The following PRKX variants were observed in gnomAD, a reference collection of about 807,000 sequenced individuals.
PRKX encodes protein kinase cAMP-dependent X-linked catalytic subunit.
In PRKX, 12 loss-of-function variants were observed where a neutral mutation model predicts 22.0. The ratio of observed to expected loss-of-function variants is 0.54; its 90% CI spans 0.35 to 0.88. The LOEUF (loss-of-function observed/expected upper bound fraction) is 0.88. Among genes scored for constraint, PRKX ranks in the 40% least tolerant of loss-of-function variants. The pLI, the probability that PRKX is intolerant of heterozygous loss-of-function variation, is 0.01. For missense variants in PRKX, 217 were observed against 308.0 expected (o/e 0.70, Z 2.21); for synonymous variants, 134 against 137.7 (o/e 0.97, Z 0.19).
At chrX:3,706,196 T>C (rs1178480040) in intron 1 of PRKX, among the ~76,000 whole-genome samples, 1 of 110,402 alleles carries the variant, frequency 9.1e-6, no homozygotes, top group Non-Finnish European at 1.9e-5. Flanking sequence ...ATACTTTCTT[T>C]ATTTTTGACA....
intron 4 of PRKX, among the ~76,000 whole-genome samples, chrX:3,633,871 A>C (rs1303883668): frequency 8.9e-6 from 1 of 111,751 alleles, no homozygotes; most frequent in Non-Finnish European, 1.9e-5. Context: ...AGAAAAGAAG[A>C]AAGCCGTCAC....
Position 3,674,731 on chromosome X carries a change from C to A in PRKX, c.202G>T (p.Glu68Ter). 1 of 1,211,373 alleles carries A rather than the reference C, an allele frequency of 8.3e-7. No homozygotes were observed. The highest frequency in any genetic ancestry group is 1.1e-6 in the Non-Finnish European group (1 of 895,045). The change falls in exon 2 of 9, where the codon GAG (glutamate) becomes TAG (stop). Residue 68 changes from glutamate (E) to a stop codon, truncating the protein, a stop_gained. Coordinates refer to ENST00000262848, the MANE Select transcript of PRKX (RefSeq NM_005044.5). LOFTEE classifies it high-confidence loss of function. ...GCGAAGAAATGCTTGGCTGTCTTCT[C>A]CTTCACCAGGTGCACCCGCCCGAAC... is the stretch of plus-strand genomic sequence containing the variant. ...GTFGRVHLVK[E>*]KTAKHFFALK...
chrX:3,658,338 C>T (rs1927523785), intron 2 of PRKX, among the ~76,000 whole-genome samples: 1 of 111,185 alleles, frequency 9.0e-6, no homozygotes, highest in South Asian at 3.8e-4. Flanking sequence ...GGCTGGAGTG[C>T]AGTGGTGCAG....
chrX:3,647,402 AATT>A (rs1023923578), intron 3 of PRKX, among the ~76,000 whole-genome samples: 3 of 105,782 alleles, frequency 2.8e-5, no homozygotes, highest in Non-Finnish European at 5.8e-5. Flanking sequence ...AATTGTATTA[AATT>A]ATTTTTTAAA....
intron 3 of PRKX, 22 bp downstream of exon 3, chrX:3,655,127 T>C: frequency 8.3e-7 from 1 of 1,206,548 alleles, no homozygotes. Flanking sequence ...GTAGATTCCA[T>C]CGGAGTTCAC....
intron 3 of PRKX, among the ~76,000 whole-genome samples, chrX:3,652,584 A>C (rs1313684427): frequency 3.7e-5 from 4 of 108,892 alleles, no homozygotes; most frequent in African/African-American, 6.7e-5. Context: ...ACTTCGTCCC[A>C]AAAAAAAACA....
chrX:3,616,372 G>A (rs1204266710), intron 6 of PRKX, among the ~76,000 whole-genome samples: 1 of 111,188 alleles, frequency 9.0e-6, no homozygotes, highest in Non-Finnish European at 1.9e-5. Flanking sequence ...GAGACCTTAG[G>A]AACGACATTG....
chrX:3,625,478 C>T (rs1170006397), intron 5 of PRKX, among the ~76,000 whole-genome samples: 4 of 112,553 alleles, frequency 3.6e-5, no homozygotes, highest in Non-Finnish European at 7.5e-5. Flanking sequence ...ATCAACTCAT[C>T]TGAAAAATAC....
At chrX:3,650,879 TAAAAAAAAAAAA>T (rs57311083) in intron 3 of PRKX, among the ~76,000 whole-genome samples, 9 of 81,996 alleles carry the variant, frequency 1.1e-4, no homozygotes, top group Admixed American at 3.8e-4. Flanking sequence ...ACCCTGTCTT[TAAAAAAAAAAAA>T]AAAAAAAAAA....
intron 2 of PRKX, among the ~76,000 whole-genome samples, chrX:3,657,106 C>A (rs1298471316): frequency 5.4e-5 from 6 of 111,935 alleles, no homozygotes; most frequent in Non-Finnish European, 9.4e-5. Flanking sequence ...TTGGAAAGGA[C>A]GTATTCAGAC....
chrX:3,689,006 A>C (rs1928240804), intron 1 of PRKX, among the ~76,000 whole-genome samples: 1 of 112,320 alleles, frequency 8.9e-6, no homozygotes, highest in African/African-American at 3.2e-5. Context: ...AATTCTGCAC[A>C]GGTGAGGCAC....
chrX:3,679,801 C>T (rs1381432186), intron 1 of PRKX, among the ~76,000 whole-genome samples: 1 of 112,157 alleles, frequency 8.9e-6, no homozygotes, highest in East Asian at 2.8e-4. Context: ...GGTGTGGCTA[C>T]TTTTAAGGTG....
chrX:3,652,454 G>A (rs770465221), intron 3 of PRKX, among the ~76,000 whole-genome samples: 3 of 108,720 alleles, frequency 2.8e-5, no homozygotes, highest in African/African-American at 1.0e-4. Context: ...CCTGGTGGCG[G>A]GCACCTGTAA....
At chrX:3,617,346 T>C (rs1926449057) in intron 6 of PRKX, among the ~76,000 whole-genome samples, 1 of 110,624 alleles carries the variant, frequency 9.0e-6, no homozygotes, top group South Asian at 3.9e-4. Flanking sequence ...GTGTGTTATA[T>C]AAAGTGTGTG....
At position 3,617,230 on chromosome X, in the gene PRKX, T is replaced by TTATATA. The variant is rs34371098; in HGVS notation, c.874-1344_874-1339dup. 2.8e-3 allele frequency among the ~76,000 whole-genome samples: 306 copies of TTATATA among 108,048 alleles called. 1 individual carries two copies. Among genetic ancestry groups the TTATATA allele is most frequent in the Non-Finnish European group, 5.2e-3 (269 of 52,087 alleles). The allele number at this position is 108,048 out of a possible 115,157, so 93.8% of individuals were successfully genotyped here. On this transcript the variant is annotated intron_variant, in intron 6 of 8. Transcript: ENST00000262848. ...ATACACGTTAATATATACACATGTA[T>TTATATA]TATATATATATATACACATATACAT...
chrX:3,656,842 T>C (rs1927492008), intron 2 of PRKX, among the ~76,000 whole-genome samples: 1 of 111,991 alleles, frequency 8.9e-6, no homozygotes, highest in African/African-American at 3.3e-5. Context: ...GAAAAATGTA[T>C]TACCCTCAGT....
chrX:3,688,793 C>T (rs755651589), intron 1 of PRKX, among the ~76,000 whole-genome samples: 24 of 106,804 alleles, frequency 2.2e-4, no homozygotes, highest in East Asian at 1.5e-3. Flanking sequence ...TGCTTGAGCC[C>T]GGGAGTTGGA....
At chrX:3,683,135 C>T (rs906850485) in intron 1 of PRKX, among the ~76,000 whole-genome samples, 1 of 112,240 alleles carries the variant, frequency 8.9e-6, no homozygotes, top group African/African-American at 3.2e-5. Flanking sequence ...GTTGTGGTCT[C>T]CAGGACTGTG....
intron 5 of PRKX, among the ~76,000 whole-genome samples, chrX:3,625,239 A>T (rs1162556335): frequency 8.9e-6 from 1 of 111,761 alleles, no homozygotes; most frequent in Non-Finnish European, 1.9e-5. Context: ...GTTCAGACTA[A>T]GAACCTCTGG....
Sources: gnomAD v4.1 joint callset for allele counts (sites outside exome capture counted in the v4.1 genomes callset) on GRCh38, gnomAD v4.1.1 for gene constraint, MANE v1.5 for transcripts, NCBI Gene and HGNC (gene_info 2026-07-23, HGNC 2026-07-21) for gene names.